The following NARS2 variants were observed in gnomAD, a reference collection of about 807,000 sequenced individuals.
NARS2 encodes asparaginyl-tRNA synthetase 2, mitochondrial.
A neutral mutation model predicts 62.9 loss-of-function variants in NARS2; 60 were observed. The observed-to-expected ratio is 0.95, with a 90% confidence interval of 0.77 to 1.18. The LOEUF (loss-of-function observed/expected upper bound fraction) is 1.18. Ranked by LOEUF, NARS2 falls within the 50% of genes most tolerant of loss-of-function variation. The pLI is 0.00. For missense variants in NARS2, 619 were observed against 576.4 expected (o/e 1.07, Z -0.76); for synonymous variants, 196 against 200.0 (o/e 0.98, Z 0.17).
At position 78,574,573 on chromosome 11, in the gene NARS2, C is replaced by T. The variant is rs1857060927; in HGVS notation, c.-85G>A. 6.2e-6 allele frequency: 9 copies of T among 1,440,990 alleles called. No individual in the cohort carries two copies. Among genetic ancestry groups the T allele is most frequent in the Non-Finnish European group, 8.3e-6 (9 of 1,088,610 alleles). 89.3% of individuals were successfully genotyped at this position (1,440,990 alleles called of 1,614,324 possible). A position where few individuals can be genotyped will look rare whatever the true frequency, so the allele number is the denominator to read the frequency against. Reference sequence around the variant, plus strand: ...TGCAGCGGCCCTCCTTTCTCAGCTGCTCCCCTTCCGCGGCCGCAGCTCTGC... The same window carrying T: ...TGCAGCGGCCCTCCTTTCTCAGCTGTTCCCCTTCCGCGGCCGCAGCTCTGC... On this transcript the variant is annotated 5_prime_UTR_variant, in exon 1 of 14. Coordinates refer to ENST00000281038, the MANE Select transcript of NARS2 (RefSeq NM_024678.6).
chr11:78,497,596 T>C (rs1860116167), intron 6 of NARS2, among the ~76,000 whole-genome samples: 1 of 152,224 alleles, frequency 6.6e-6, no homozygotes, highest in Admixed American at 6.5e-5. Context: ...TTAAAAGTTT[T>C]TGCCAAGTGC....
chr11:78,570,138 C>T (rs1188095490), intron 2 of NARS2, among the ~76,000 whole-genome samples: 6 of 151,992 alleles, frequency 3.9e-5, no homozygotes, highest in Non-Finnish European at 7.4e-5. Context: ...TGCAGTGAAC[C>T]GAGATCATGC....
chr11:78,565,501 GA>G (rs1410194634), intron 4 of NARS2, among the ~76,000 whole-genome samples: 3 of 152,134 alleles, frequency 2.0e-5, no homozygotes, highest in Non-Finnish European at 4.4e-5. Context: ...CAGGGAAGGG[GA>G]AAAAGTAAGG....
chr11:78,565,576 C>T (rs1378268186), intron 4 of NARS2, among the ~76,000 whole-genome samples: 1 of 152,114 alleles, frequency 6.6e-6, no homozygotes, highest in African/African-American at 2.4e-5. Context: ...ACCCAAGTGG[C>T]TAGAGTTCAT....
intron 5 of NARS2, among the ~76,000 whole-genome samples, chr11:78,538,125 T>C (rs1356729044): frequency 6.6e-6 from 1 of 152,158 alleles, no homozygotes; most frequent in Non-Finnish European, 1.5e-5. Flanking sequence ...AATCTTATAG[T>C]CACTTAGCAG....
chr11:78,452,835 T>C (rs115655183), intron 11 of NARS2, among the ~76,000 whole-genome samples: 2,275 of 152,320 alleles, frequency 0.015, 59 homozygotes, highest in African/African-American at 0.052. Flanking sequence ...AACTTGAATT[T>C]TTAAAAGTCC....
At chr11:78,487,383 A>AAGAG (rs974610887) in intron 7 of NARS2, among the ~76,000 whole-genome samples, 2 of 151,080 alleles carry the variant, frequency 1.3e-5, no homozygotes, top group South Asian at 2.1e-4. Flanking sequence ...AAGAAAGAAA[A>AAGAG]AGAGAGAGAG....
chr11:78,528,132 A>G (rs1278952767), intron 6 of NARS2, among the ~76,000 whole-genome samples: 1 of 152,138 alleles, frequency 6.6e-6, no homozygotes, highest in African/African-American at 2.4e-5. Context: ...GCTACTCAGA[A>G]GGCTGAGGCA....
intron 5 of NARS2, among the ~76,000 whole-genome samples, chr11:78,547,039 T>C (rs952784504): frequency 1.6e-4 from 25 of 152,244 alleles, no homozygotes; most frequent in Non-Finnish European, 7.3e-5. Context: ...ATAAACACTA[T>C]ACATTTCGTG....
intron 13 of NARS2, 97 bp from the exon 14 acceptor site, chr11:78,436,911 G>T: frequency 7.9e-7 from 1 of 1,264,490 alleles, no homozygotes; most frequent in Non-Finnish European, 1.1e-6. Context: ...GCAATCATTT[G>T]TTATTGTTTA....
chr11:78,482,704 T>C (rs1471841444), intron 7 of NARS2, among the ~76,000 whole-genome samples: 4 of 152,104 alleles, frequency 2.6e-5, no homozygotes, highest in Admixed American at 6.5e-5. Context: ...AGAAGTCCAA[T>C]CCCTGAATAG....
At chr11:78,561,167 C>A (rs1159621932) in intron 4 of NARS2, among the ~76,000 whole-genome samples, 1 of 152,054 alleles carries the variant, frequency 6.6e-6, no homozygotes, top group African/African-American at 2.4e-5. Context: ...TACAAAAGGG[C>A]CCAGCAGCTT....
Position 78,474,893 on chromosome 11 carries a change from A to G in NARS2, c.959+3545T>C, listed in dbSNP as rs373596004. ...ATATATCAAGGTAATTAACATATCTATCGTCTCACATGCTTCACTTTTTTT... is the reference window on the plus strand; with the variant it reads ...ATATATCAAGGTAATTAACATATCTGTCGTCTCACATGCTTCACTTTTTTT... On this transcript the variant is annotated intron_variant, in intron 9 of 13. Transcript: ENST00000281038. Among the ~76,000 whole-genome samples, 9 of 151,812 alleles carry G rather than the reference A, an allele frequency of 5.9e-5. No homozygotes were observed. In the East Asian group the frequency reaches 1.2e-3, roughly 19 times the overall value.
At chr11:78,461,780 C>T (rs1858408158) in intron 11 of NARS2, among the ~76,000 whole-genome samples, 1 of 116,314 alleles carries the variant, frequency 8.6e-6, no homozygotes, top group African/African-American at 4.5e-5. Context: ...CCCGTACCCA[C>T]TACAAAAAAA....
chr11:78,542,867 T>C (rs1855680104), intron 5 of NARS2, among the ~76,000 whole-genome samples: 1 of 152,198 alleles, frequency 6.6e-6, no homozygotes, highest in Non-Finnish European at 1.5e-5. Context: ...GGCTCATCAC[T>C]GCACTCCCAA....
chr11:78,452,397 G>A (rs1013876088), intron 11 of NARS2, among the ~76,000 whole-genome samples: 3 of 151,672 alleles, frequency 2.0e-5, no homozygotes, highest in African/African-American at 7.3e-5. Context: ...GTCAGCCACC[G>A]TGTCTGGCCG....
intron 5 of NARS2, among the ~76,000 whole-genome samples, chr11:78,548,645 T>C (rs1855969429): frequency 6.6e-6 from 1 of 152,246 alleles, no homozygotes; most frequent in Non-Finnish European, 1.5e-5. Context: ...AATAGTGTTC[T>C]TCACATTTTA....
intron 5 of NARS2, among the ~76,000 whole-genome samples, chr11:78,551,807 C>T (rs956159334): frequency 2.0e-5 from 3 of 151,792 alleles, no homozygotes; most frequent in East Asian, 1.9e-4. Flanking sequence ...GCCAAGATTG[C>T]GCCATTGTAC....
intron 6 of NARS2, among the ~76,000 whole-genome samples, chr11:78,520,827 G>A (rs371812204): frequency 9.9e-5 from 15 of 152,008 alleles, no homozygotes; most frequent in Admixed American, 3.3e-4. Flanking sequence ...AGGCCGAGGC[G>A]GGTGGATCAC....
Sources: allele counts gnomAD v4.1 joint callset (sites outside exome capture counted in the v4.1 genomes callset), GRCh38; gene constraint gnomAD v4.1.1; transcripts MANE v1.5; gene names NCBI Gene and HGNC (gene_info 2026-07-23, HGNC 2026-07-21).